RGSL1: variants seen among roughly 807,000 people sequenced by gnomAD.
RGSL1 encodes regulator of G protein signaling like 1, also known as regulator of G protein signaling protein-like.
A neutral mutation model predicts 124.7 loss-of-function variants in RGSL1; 97 were observed. That is an observed-to-expected ratio of 0.78 (90% confidence interval 0.66 to 0.92). RGSL1 has a LOEUF of 0.92. Among genes scored for constraint, RGSL1 ranks in the 40% least tolerant of loss-of-function variants. RGSL1 has a pLI of 0.00. For synonymous variants in RGSL1, 424 were observed against 438.1 expected (o/e 0.97, Z 0.40); for missense variants, 1,233 against 1,288.4 (o/e 0.96, Z 0.66).
At chr1:182,519,466 G>T (rs1478281599) in intron 9 of RGSL1, among the ~76,000 whole-genome samples, 1 of 143,510 alleles carries the variant, frequency 7.0e-6, no homozygotes, top group Non-Finnish European at 1.5e-5. Flanking sequence ...CATTGACATT[G>T]CTTAGTAGAA....
In RGSL1 at chr1:182,472,250, G is replaced by A. The variant is rs545855649; in HGVS notation, c.302-146G>A. On this transcript the variant is annotated intron_variant, in intron 4 of 21. Coordinates refer to ENST00000294854, the MANE Select transcript of RGSL1 (RefSeq NM_001137669.2). ...TCTCCCCCACAGTAGAACTTTTCTA[G>A]AGATGATACCTTGAACCAATCACCA... 10 of 678,372 alleles carry A rather than the reference G, an allele frequency of 1.5e-5. No homozygotes were observed. The East Asian group carries it at 2.7e-4, about 18-fold the overall frequency. 42.0% of individuals were successfully genotyped at this position (678,372 alleles called of 1,614,324 possible). A position where few individuals can be genotyped will look rare whatever the true frequency, so the allele number is the denominator to read the frequency against.
chr1:182,530,269 T>C lies in RGSL1; in HGVS notation c.2151T>C (p.Pro717=). 6.4e-7 allele frequency: 1 copy of C among 1,550,926 alleles called. No individual in the cohort carries two copies. Among genetic ancestry groups the C allele is most frequent in the Non-Finnish European group, 8.7e-7 (1 of 1,146,450 alleles). Residue 717 remains proline (P), a synonymous_variant, in exon 12 of 22, where the codon CCT becomes CCC. Coordinates refer to ENST00000294854, the MANE Select transcript of RGSL1 (RefSeq NM_001137669.2). ...AAGAAATGCTGCAGTGTGATGCCCC[T>C]ATTATCAAAGAAATCGCTTCCATGC... ...SPEEMLQCDA[P]IIKEIASMRH...
chr1:182,515,645 C>T (rs1657825185), intron 9 of RGSL1, among the ~76,000 whole-genome samples: 1 of 152,066 alleles, frequency 6.6e-6, no homozygotes, highest in African/African-American at 2.4e-5. Flanking sequence ...CAGTTTAGAC[C>T]AGTGAGGATC....
chr1:182,559,172 G>A (rs1016995104), intron 21 of RGSL1, among the ~76,000 whole-genome samples: 7 of 151,934 alleles, frequency 4.6e-5, no homozygotes, highest in African/African-American at 9.7e-5. Context: ...TTCTTACAAC[G>A]CACTCTCCCA....
chr1:182,457,536 G>T (rs997928025), intron 2 of RGSL1, among the ~76,000 whole-genome samples: 2 of 152,210 alleles, frequency 1.3e-5, no homozygotes, highest in African/African-American at 4.8e-5. Flanking sequence ...AAATGGGATT[G>T]AGGGAAGAGG....
At chr1:182,522,999 G>A (rs141026900) in intron 10 of RGSL1, among the ~76,000 whole-genome samples, 6 of 151,038 alleles carry the variant, frequency 4.0e-5, no homozygotes, top group South Asian at 4.2e-4. Flanking sequence ...AATATTTTGC[G>A]TAGAAAAAAC....
intron 7 of RGSL1, 52 bp from the exon 8 acceptor site, chr1:182,488,928 C>T (rs1264839724): frequency 1.8e-5 from 25 of 1,416,528 alleles, no homozygotes; most frequent in Non-Finnish European, 2.4e-5. Flanking sequence ...ATTATTGCTT[C>T]TGGTCTAGTT....
chr1:182,533,405 A>ATTTTTTTTTTTTG (rs1211132600), intron 14 of RGSL1, among the ~76,000 whole-genome samples: 2 of 151,890 alleles, frequency 1.3e-5, no homozygotes, highest in African/African-American at 4.8e-5. Context: ...ATATGGATTA[A>ATTTTTTTTTTTTG]TTCAACAGCT....
rs541076277 is a variant in RGSL1, at chr1:182,540,422, G to C, written c.2669+1G>C. On this transcript the variant is annotated splice_donor_variant, in intron 15 of 21. Transcript: ENST00000294854. LOFTEE classifies it high-confidence loss of function. ...TATATTTCTTTTCTGAAATGGAGAA[G>C]TAAGTTTTCCACTTCTCCTTCTTCT... is the stretch of plus-strand genomic sequence containing the variant. 6.5e-7 allele frequency: 1 copy of C among 1,549,432 alleles called. No homozygotes were observed.
At chr1:182,485,838 ATAT>A (rs1655056322) in intron 6 of RGSL1, among the ~76,000 whole-genome samples, 1 of 152,208 alleles carries the variant, frequency 6.6e-6, no homozygotes, top group Non-Finnish European at 1.5e-5. Flanking sequence ...AAAGAAGAAC[ATAT>A]TAGGGCACAT....
At chr1:182,452,531 C>T (rs1343110772) in intron 1 of RGSL1, among the ~76,000 whole-genome samples, 2 of 151,816 alleles carry the variant, frequency 1.3e-5, no homozygotes, top group Non-Finnish European at 2.9e-5. Context: ...CGGCTCACTG[C>T]AACCTCCACC....
intron 21 of RGSL1, 51 bp downstream of exon 21, chr1:182,556,273 G>T: frequency 3.7e-6 from 2 of 536,626 alleles, no homozygotes; most frequent in Non-Finnish European, 6.6e-6. Context: ...ACTACAGTGA[G>T]TTGGGTCAGG....
chr1:182,546,609 G>A (rs1050818215), intron 15 of RGSL1, among the ~76,000 whole-genome samples: 2 of 152,088 alleles, frequency 1.3e-5, no homozygotes, highest in Admixed American at 6.6e-5. Flanking sequence ...GGCCAGGATG[G>A]TCTCGATCTC....
chr1:182,555,971 A>C (rs781119032), intron 20 of RGSL1, 53 bp from the exon 21 acceptor site: 2 of 1,481,654 alleles, frequency 1.3e-6, no homozygotes, highest in East Asian at 2.5e-5. Flanking sequence ...AGAGAATGCA[A>C]CCTCAATTAC....
rs1659076347 is a variant in RGSL1, at chr1:182,530,333, C to T, written c.2215C>T (p.His739Tyr). The change falls in exon 12 of 22, where the codon CAT becomes TAT. Residue 739 changes from histidine (H) to tyrosine (Y), a missense_variant. Coordinates refer to ENST00000294854, the MANE Select transcript of RGSL1 (RefSeq NM_001137669.2). Reference sequence around the variant, plus strand: ...AAGCACACTGTTAACGCTCCAGGGACATGTTATGAAATCTATAGAAGAAAA... The same window carrying T: ...AAGCACACTGTTAACGCTCCAGGGATATGTTATGAAATCTATAGAAGAAAA... The part of the protein sequence containing the change: ...TTSTLLTLQG[H>Y]VMKSIEEKWF... 1 of 1,550,818 alleles carries T rather than the reference C, an allele frequency of 6.4e-7. No homozygotes were observed. Among genetic ancestry groups the T allele is most frequent in the Non-Finnish European group, 8.7e-7 (1 of 1,146,410 alleles).
intron 9 of RGSL1, among the ~76,000 whole-genome samples, chr1:182,515,887 C>T (rs542327162): frequency 6.6e-6 from 1 of 152,198 alleles, no homozygotes. Flanking sequence ...CAAAGGGAAA[C>T]CACATCGTTC....
At chr1:182,532,545 T>A (rs749725745) in intron 13 of RGSL1, 117 bp from the exon 14 acceptor site, 25 of 918,222 alleles carry the variant, frequency 2.7e-5, no homozygotes, top group Non-Finnish European at 4.0e-5. Context: ...AAATTATTCC[T>A]TTACGGAGGT....
At chr1:182,465,907 G>T (rs1369882187) in intron 4 of RGSL1, among the ~76,000 whole-genome samples, 3 of 152,012 alleles carry the variant, frequency 2.0e-5, no homozygotes, top group African/African-American at 7.2e-5. Flanking sequence ...TGATGCAAAA[G>T]TCTGCAATGA....
intron 18 of RGSL1, among the ~76,000 whole-genome samples, chr1:182,552,606 T>A (rs1660634587): frequency 6.6e-6 from 1 of 152,144 alleles, no homozygotes; most frequent in Non-Finnish European, 1.5e-5. Context: ...CAGCCTCACA[T>A]CCCTGATCTC....
Sources: allele counts gnomAD v4.1 joint callset (sites outside exome capture counted in the v4.1 genomes callset), GRCh38; gene constraint gnomAD v4.1.1; transcripts MANE v1.5; gene names NCBI Gene and HGNC (gene_info 2026-07-23, HGNC 2026-07-21).